TIAM2: variants seen among roughly 807,000 people sequenced by gnomAD.
TIAM2 encodes the protein rho guanine nucleotide exchange factor TIAM2.
A neutral mutation model predicts 152.9 loss-of-function variants in TIAM2; 80 were observed. The observed-to-expected ratio is 0.52, with a 90% CI of 0.44 to 0.63. The LOEUF (loss-of-function observed/expected upper bound fraction) is 0.63. TIAM2 is among the 30% of genes least tolerant of loss of function. TIAM2 has a pLI of 0.00. For missense variants in TIAM2, 1,965 were observed against 2,120.1 expected (o/e 0.93, Z 1.44); for synonymous variants, 804 against 838.0 (o/e 0.96, Z 0.70).
chr6:155,080,874 G>A (rs1331496303), intron 1 of TIAM2, among the ~76,000 whole-genome samples: 1 of 152,196 alleles, frequency 6.6e-6, no homozygotes, highest in East Asian at 1.9e-4. Flanking sequence ...GGATGAACCT[G>A]TGAGATATCC....
chr6:155,103,804 T>G (rs1006882545), intron 2 of TIAM2, among the ~76,000 whole-genome samples: 10 of 152,016 alleles, frequency 6.6e-5, no homozygotes, highest in Admixed American at 4.6e-4. Context: ...TCTGATCTTT[T>G]TTTTGCTCTC....
chr6:155,164,490 C>A lies in TIAM2; in HGVS notation c.2104C>A (p.Gln702Lys), dbSNP rs1780366809. 6 of 1,614,140 alleles carry A rather than the reference C, an allele frequency of 3.7e-6. No homozygotes were observed. Among genetic ancestry groups the A allele is most frequent in the Non-Finnish European group, 5.1e-6 (6 of 1,180,026 alleles). Residue 702 changes from glutamine to lysine, a missense_variant, in exon 8 of 27, where the codon CAA (glutamine) becomes AAA (lysine). Gln to Lys is a moderately conservative substitution (Grantham distance 53, BLOSUM62 1). This residue lies in a region of TIAM2 where 1,025 missense variants were observed against 1,119.4 expected (regional missense o/e 0.92). Transcript: ENST00000682666. ...FRMRCYLASL[Q>K]GGELPNPKSL... is the part of the protein sequence containing the mutation. ...GATGCGCTGCTATCTGGCCAGCCTA[C>A]AAGGTGGGGAGTTACCGAACCCAAA...
rs373449587 is a variant in TIAM2, at chr6:155,248,177, C to A, written c.3830C>A (p.Thr1277Lys). The A allele has an allele frequency of 1.2e-6, 2 of 1,612,712 alleles. No homozygotes were observed. The highest frequency in any genetic ancestry group is 1.3e-5 in the African/African-American group (1 of 75,038). Residue 1277 changes from threonine (T) to lysine (K), a missense_variant and splice_region_variant, in exon 20 of 27, where the codon ACG becomes AAG. Around this residue, in one of 3 missense-constraint regions of TIAM2, gnomAD observed 935 missense variants for 980.0 expected, o/e 0.95. Coordinates refer to ENST00000682666, the MANE Select transcript of TIAM2 (RefSeq NM_012454.4). ...GAGAGCGAGGAGCACTACCACCTGA[C>A]GGGTGAGGCGGCGGCGGCACCTCCG... ...DQESEEHYHL[T>K]EALKAMEKVA...
intron 7 of TIAM2, among the ~76,000 whole-genome samples, chr6:155,152,557 A>G (rs1447969088): frequency 6.6e-6 from 1 of 152,182 alleles, no homozygotes; most frequent in African/African-American, 2.4e-5. Context: ...TCTTTGTACC[A>G]TGTCTCATCC....
At chr6:155,127,923 T>C (rs539992810) in intron 3 of TIAM2, among the ~76,000 whole-genome samples, 42 of 152,328 alleles carry the variant, frequency 2.8e-4, no homozygotes, top group Middle Eastern at 3.4e-3. Flanking sequence ...TTCCAGCTAC[T>C]TGGGAGGCTG....
intron 14 of TIAM2, 132 bp downstream of exon 14, chr6:155,183,632 A>G (rs1780965743): frequency 5.7e-6 from 6 of 1,046,754 alleles, no homozygotes; most frequent in Non-Finnish European, 1.3e-6. Flanking sequence ...AGAAGAACAC[A>G]GATGCCAACT....
chr6:155,244,904 T>A, intron 18 of TIAM2, 121 bp downstream of exon 18: 1 of 1,258,572 alleles, frequency 7.9e-7, no homozygotes, highest in Admixed American at 2.5e-5. Flanking sequence ...TTTATTGTCC[T>A]GTGACTATTT....
At chr6:155,148,083 A>G in intron 6 of TIAM2, 27 bp from the exon 7 acceptor site, 1 of 1,611,226 alleles carries the variant, frequency 6.2e-7, no homozygotes, top group African/African-American at 1.3e-5. Flanking sequence ...ATGATTCGAA[A>G]CAGGCTTTCT....
intron 19 of TIAM2, 54 bp from the exon 20 acceptor site, chr6:155,247,946 A>C: frequency 1.3e-6 from 2 of 1,550,110 alleles, no homozygotes; most frequent in Admixed American, 2.0e-5. Flanking sequence ...AGAAATGAAG[A>C]ATTTAATTCA....
At chr6:155,029,556 A>ACTATT (rs1562295333) in intron 1 of TIAM2, among the ~76,000 whole-genome samples, 137 of 73,244 alleles carry the variant, frequency 1.9e-3, no homozygotes, top group Non-Finnish European at 2.4e-3. Flanking sequence ...ATGTAGTATA[A>ACTATT]ATATATACTA....
At chr6:155,192,795 AT>A (rs570589120) in intron 14 of TIAM2, among the ~76,000 whole-genome samples, 2 of 152,218 alleles carry the variant, frequency 1.3e-5, no homozygotes, top group Non-Finnish European at 2.9e-5. Context: ...AAGAAAATTC[AT>A]TCTTATACAG....
chr6:155,067,802 T>C (rs773130421), intron 1 of TIAM2, among the ~76,000 whole-genome samples: 1 of 152,070 alleles, frequency 6.6e-6, no homozygotes, highest in Non-Finnish European at 1.5e-5. Context: ...CCACCACGCC[T>C]GGCTAATTTT....
chr6:155,149,207 G>A (rs1779890280), intron 7 of TIAM2: 1 of 167,160 alleles, frequency 6.0e-6, no homozygotes, highest in South Asian at 2.1e-4. Context: ...AGCAGGGCAA[G>A]GCAGCTCCCC....
rs1161507403 is a variant in TIAM2, at chr6:155,087,030, A to G, written c.-208-3259A>G. Among the ~76,000 whole-genome samples, 7 of 152,202 alleles carry G rather than the reference A, an allele frequency of 4.6e-5. No individual in the cohort carries two copies. The East Asian group carries it at 1.2e-3, about 25-fold the overall frequency. ...TAATTGCGAGGCAATTGCCTATATC[A>G]GAAAGAGTGGTGAGGTGAAGGAGGG... On this transcript the variant is annotated intron_variant, in intron 1 of 26. Transcript: ENST00000682666.
Position 155,016,834 on chromosome 6 carries a change from A to C in TIAM2, c.-209+21342A>C, listed in dbSNP as rs138223729. ...AGAATCGCTTGAACCTGGGAAGCGG[A>C]AGTTGCTGTGAGCCAAGATCATGCC... On this transcript the variant is annotated intron_variant, in intron 1 of 26. Coordinates refer to ENST00000682666, the MANE Select transcript of TIAM2 (RefSeq NM_012454.4). Among the ~76,000 whole-genome samples, 316 of 152,320 alleles carry C rather than the reference A, an allele frequency of 2.1e-3. 7 individuals are homozygous for C. The highest frequency in any genetic ancestry group is 7.3e-3 in the African/African-American group (304 of 41,586).
chr6:155,094,431 A>G (rs1393715388), intron 2 of TIAM2, among the ~76,000 whole-genome samples: 1 of 152,196 alleles, frequency 6.6e-6, no homozygotes, highest in Non-Finnish European at 1.5e-5. Flanking sequence ...AGAAAAAAAT[A>G]GAAGAGGGTA....
At chr6:155,031,337 A>G (rs1776816775) in intron 1 of TIAM2, among the ~76,000 whole-genome samples, 2 of 152,218 alleles carry the variant, frequency 1.3e-5, no homozygotes, top group African/African-American at 4.8e-5. Context: ...ACTGTTGCTG[A>G]TACTTCACAT....
At chr6:155,252,774 T>C (rs963151850) in intron 23 of TIAM2, 174 bp from the exon 24 acceptor site, 17 of 589,964 alleles carry the variant, frequency 2.9e-5, no homozygotes, top group Non-Finnish European at 3.9e-5. Flanking sequence ...TTCCCTAGCA[T>C]GTGAGGTCTT....
At chr6:155,233,293 A>C (rs1411519937) in intron 15 of TIAM2, among the ~76,000 whole-genome samples, 1 of 152,244 alleles carries the variant, frequency 6.6e-6, no homozygotes, top group African/African-American at 2.4e-5. Flanking sequence ...TGTTGTGATC[A>C]AGGGAACAGA....
Sources: gnomAD v4.1 joint callset for allele counts (sites outside exome capture counted in the v4.1 genomes callset) on GRCh38, gnomAD v4.1.1 for gene constraint, gnomAD v4.1.1 regional missense constraint, MANE v1.5 for transcripts, NCBI Gene and HGNC (gene_info 2026-07-23, HGNC 2026-07-21) for gene names.